The following SLC24A1 variants were observed in gnomAD, a reference collection of about 807,000 sequenced individuals.
SLC24A1 encodes the protein solute carrier family 24 member 1, also known as sodium/potassium/calcium exchanger 1.
Under a neutral mutation model 88.1 loss-of-function variants are expected in SLC24A1, and 52 were observed. The observed-to-expected ratio is 0.59, with a 90% CI of 0.47 to 0.74. The LOEUF (loss-of-function observed/expected upper bound fraction) is 0.74, where lower values mean the gene tolerates loss of function less well. Ranked by LOEUF, SLC24A1 falls within the 30% of genes least tolerant of loss-of-function variation. The pLI, the probability that SLC24A1 is intolerant of heterozygous loss-of-function variation, is 0.00. For missense variants in SLC24A1, 1,173 were observed against 1,363.3 expected (o/e 0.86, Z 2.20); for synonymous variants, 455 against 498.0 (o/e 0.91, Z 1.15).
chr15:65,614,418 C>A (rs1031230136), intron 2 of SLC24A1, among the ~76,000 whole-genome samples: 1 of 152,134 alleles, frequency 6.6e-6, no homozygotes, highest in African/African-American at 2.4e-5. Flanking sequence ...TCATAAATAT[C>A]ATAAATTTTA....
At chr15:65,627,968 A>AT (rs1476659734) in intron 2 of SLC24A1, among the ~76,000 whole-genome samples, 2 of 152,082 alleles carry the variant, frequency 1.3e-5, no homozygotes, top group Non-Finnish European at 2.9e-5. Context: ...TCCAGTATGA[A>AT]TTTTTTTAAA....
upstream of SLC24A1, among the ~76,000 whole-genome samples, chr15:65,621,362 G>A (rs890960597): frequency 6.6e-6 from 1 of 152,206 alleles, no homozygotes; most frequent in Non-Finnish European, 1.5e-5. Flanking sequence ...ATCTTGGGAT[G>A]TCCCAGCCTG....
Position 65,650,512 on chromosome 15 carries a change from A to T in SLC24A1, c.2363A>T (p.Gln788Leu). 1 of 1,551,826 alleles carries T rather than the reference A, an allele frequency of 6.4e-7. No individual in the cohort carries two copies. The highest frequency in any genetic ancestry group is 8.7e-7 in the Non-Finnish European group (1 of 1,147,010). Reference protein sequence around the residue: ...QPEGEGETETQGKGEECEDEN... With the variant: ...QPEGEGETETLGKGEECEDEN... ...GAAGGTGAAGGTGAAACTGAAACAC[A>T]AGGAAAAGGAGAAGAATGTGAAGAT... The change falls in exon 7 of 10, where the codon CAA (glutamine) becomes CTA (leucine). Residue 788 changes from glutamine to leucine, a missense_variant. Transcript: ENST00000261892. This position sits in a 1 kb window ranked among gnomAD's most constrained non-coding sequence, Gnocchi z 4.1.
At chr15:65,658,541 G>C (rs1362269163), downstream of SLC24A1, 1 of 152,216 alleles carries the variant, frequency 6.6e-6, no homozygotes, top group Non-Finnish European at 1.5e-5. Flanking sequence ...TCCCTTATCA[G>C]AAATGTTTCG....
chr15:65,632,349 C>A (rs1345099302), intron 2 of SLC24A1, among the ~76,000 whole-genome samples: 2 of 152,056 alleles, frequency 1.3e-5, no homozygotes, highest in African/African-American at 2.4e-5. Flanking sequence ...TCAGGAAAAT[C>A]AAGGATGATG....
intron 2 of SLC24A1, among the ~76,000 whole-genome samples, chr15:65,627,964 A>C (rs2074576764): frequency 6.6e-6 from 1 of 152,290 alleles, no homozygotes; most frequent in South Asian, 2.1e-4. Flanking sequence ...TAGATCCAGT[A>C]TGAATTTTTT....
chr15:65,654,868 G>C lies in SLC24A1; in HGVS notation c.*789G>C, dbSNP rs1407683055. On this transcript the variant is annotated 3_prime_UTR_variant, in exon 10 of 10. Transcript: ENST00000261892. ...CCGCCTCGGCCTCCCAAAGTGCTGG[G>C]ATTACAGGCGTCAGCCACCGCGCCT... 2.6e-6 allele frequency: 3 copies of C among 1,156,388 alleles called. No homozygotes were observed. The highest frequency in any genetic ancestry group is 3.3e-6 in the Non-Finnish European group (3 of 913,670). 71.6% of individuals were successfully genotyped at this position (1,156,388 alleles called of 1,614,324 possible).
In SLC24A1 at chr15:65,624,115, G is replaced by A. The variant is rs748582858; in HGVS notation, c.35G>A (p.Arg12Lys). The change falls in exon 2 of 10, where the codon AGG becomes AAG. Residue 12 changes from arginine to lysine, a missense_variant. By Grantham distance (26) the Arg-to-Lys change is conservative. Coordinates refer to ENST00000261892, the MANE Select transcript of SLC24A1 (RefSeq NM_004727.3). ...TTGATCAGGATGGGGCCGCAAGAGA[G>A]GTGGTTACTCCGGACAAAGCGGCTT... ...GKLIRMGPQE[R>K]WLLRTKRLHW... 3 of 1,610,238 alleles carry A rather than the reference G, an allele frequency of 1.9e-6. No homozygotes were observed. Among genetic ancestry groups the A allele is most frequent in the South Asian group, 1.1e-5 (1 of 90,384 alleles).
chr15:65,625,232 G>A lies in SLC24A1; in HGVS notation c.1152G>A (p.Arg384=). The change falls in exon 2 of 10, where the codon AGG becomes AGA. Residue 384 remains arginine (R), a synonymous_variant. Transcript: ENST00000261892. ...GCACCTCAACAACCCCTACGGTCAG[G>A]GCAAAGCTGACCATGCAGGTCCATC... is the stretch of plus-strand genomic sequence containing the variant. ...APSTSTTPTV[R]AKLTMQVHHC... 6.2e-7 allele frequency: 1 copy of A among 1,613,904 alleles called. No homozygotes were observed. The highest frequency in any genetic ancestry group is 8.5e-7 in the Non-Finnish European group (1 of 1,179,866).
intron 2 of SLC24A1, among the ~76,000 whole-genome samples, chr15:65,627,261 A>G (rs1232355810): frequency 6.6e-6 from 1 of 152,124 alleles, no homozygotes; most frequent in Non-Finnish European, 1.5e-5. Flanking sequence ...TCTCTAGGAG[A>G]AATGACAGAG....
At chr15:65,636,674 G>A (rs993184191) in intron 2 of SLC24A1, among the ~76,000 whole-genome samples, 9 of 151,874 alleles carry the variant, frequency 5.9e-5, no homozygotes, top group South Asian at 2.1e-4. Context: ...TCAGGAGTTC[G>A]AGACCAGCCT....
chr15:65,618,571 A>G (rs1240251103), upstream of SLC24A1, among the ~76,000 whole-genome samples: 2 of 152,214 alleles, frequency 1.3e-5, no homozygotes, highest in Non-Finnish European at 2.9e-5. Flanking sequence ...TAGGAGGGAC[A>G]TTATCTGATT....
intron 6 of SLC24A1, among the ~76,000 whole-genome samples, chr15:65,647,741 G>A (rs1471678005): frequency 6.6e-6 from 1 of 152,146 alleles, no homozygotes; most frequent in Non-Finnish European, 1.5e-5. Context: ...CTACCTGATG[G>A]GGGTAGACAG....
chr15:65,657,113 T>G (rs970365732), downstream of SLC24A1, among the ~76,000 whole-genome samples: 5 of 152,100 alleles, frequency 3.3e-5, no homozygotes, highest in African/African-American at 1.2e-4. Flanking sequence ...TCAGGCAATC[T>G]GCCCGCCTCG....
Position 65,648,743 on chromosome 15 carries a change from G to A in SLC24A1, c.2233-1639G>A, listed in dbSNP as rs571382401. ...TCTCAAACTCCTGACCTCATGATCC[G>A]CCCGACTCAGCCTCCCAAAGTGCTG... On this transcript the variant is annotated intron_variant, in intron 6 of 9. Transcript: ENST00000261892. 5.3e-5 allele frequency among the ~76,000 whole-genome samples: 8 copies of A among 151,830 alleles called. No individual in the cohort carries two copies. In the South Asian group the frequency reaches 8.3e-4, roughly 16 times the overall value.
At chr15:65,627,604 C>T (rs1012123203) in intron 2 of SLC24A1, among the ~76,000 whole-genome samples, 2 of 152,106 alleles carry the variant, frequency 1.3e-5, no homozygotes, top group Non-Finnish European at 2.9e-5. Flanking sequence ...GAAACAGGAA[C>T]CTCCCTCCTA....
chr15:65,624,095 C>A lies in SLC24A1; in HGVS notation c.15C>A (p.Ile5=). ...AACTGGCCAGCATGGGGAAATTGAT[C>A]AGGATGGGGCCGCAAGAGAGGTGGT... The part of the protein sequence containing the change: MGKL[I]RMGPQERWLL... The change falls in exon 2 of 10, where the codon ATC becomes ATA. Residue 5 remains isoleucine (I), a synonymous_variant. Coordinates refer to ENST00000261892, the MANE Select transcript of SLC24A1 (RefSeq NM_004727.3). The A allele has an allele frequency of 6.3e-7, 1 of 1,586,954 alleles. No homozygotes were observed. Among genetic ancestry groups the A allele is most frequent in the Non-Finnish European group, 8.6e-7 (1 of 1,168,606 alleles).
chr15:65,640,439 C>T (rs2075086439), intron 4 of SLC24A1, among the ~76,000 whole-genome samples: 2 of 152,204 alleles, frequency 1.3e-5, no homozygotes, highest in Non-Finnish European at 2.9e-5. Context: ...CCCCAACATG[C>T]ATCTCAGACC....
rs368301947 is a variant in SLC24A1 at position 65,650,513 on chromosome 15, A to C, written c.2364A>C (p.Gln788His). The C allele has an allele frequency of 6.4e-7, 1 of 1,551,842 alleles. No homozygotes were observed. The highest frequency in any genetic ancestry group is 2.4e-5 in the East Asian group (1 of 40,918). The change falls in exon 7 of 10, where the codon CAA (glutamine) becomes CAC (histidine). Residue 788 changes from glutamine to histidine, a missense_variant. Transcript: ENST00000261892. The surrounding 1 kb of genome is among the most constrained non-coding windows in gnomAD (Gnocchi z 4.1). ...QPEGEGETET[Q>H]GKGEECEDEN... ...AAGGTGAAGGTGAAACTGAAACACA[A>C]GGAAAAGGAGAAGAATGTGAAGATG... is the stretch of plus-strand genomic sequence containing the variant.
Sources: gnomAD v4.1 joint callset for allele counts (sites outside exome capture counted in the v4.1 genomes callset) on GRCh38, gnomAD v4.1.1 for gene constraint, Gnocchi (gnomAD v3.1) non-coding constraint, MANE v1.5 for transcripts, NCBI Gene and HGNC (gene_info 2026-07-23, HGNC 2026-07-21) for gene names.